ADORA2A: variants seen among roughly 807,000 people sequenced by gnomAD.
ADORA2A encodes adenosine A2a receptor, also known as adenosine receptor A2a.
ADORA2A carries 11 observed loss-of-function variants against 18.4 expected under a neutral mutation model. The observed-to-expected ratio is 0.60, with a 90% CI of 0.38 to 0.99. The LOEUF (loss-of-function observed/expected upper bound fraction) is 0.99. Ranked by LOEUF, ADORA2A falls within the 50% of genes least tolerant of loss-of-function variation. ADORA2A has a pLI of 0.01. For missense variants in ADORA2A, 449 were observed against 556.1 expected, an observed-to-expected ratio of 0.81 and a Z score of 1.94; for synonymous variants, 218 against 237.3, an observed-to-expected ratio of 0.92 and a Z score of 0.75.
chr22:24,425,501 CCCT>C (rs2042909220), upstream of ADORA2A, among the ~76,000 whole-genome samples: 1 of 152,224 alleles, frequency 6.6e-6, no homozygotes, highest in Non-Finnish European at 1.5e-5. Context: ...CAGCCACTAC[CCCT>C]CCATCCGTGT....
In ADORA2A at chr22:24,440,978, C is replaced by T. The variant is rs371233023; in HGVS notation, c.728C>T (p.Ala243Val). ...CTGGCCATCATTGTGGGGCTCTTTG[C>T]CCTCTGCTGGCTGCCCCTACACATC... is the stretch of plus-strand genomic sequence containing the variant. The part of the protein sequence containing the change: ...KSLAIIVGLF[A>V]LCWLPLHIIN... Residue 243 changes from alanine (A) to valine (V), a missense_variant, in exon 3 of 3, where the codon GCC becomes GTC. By Grantham distance (64) the Ala-to-Val change is moderately conservative. Transcript: ENST00000337539. 3.7e-6 allele frequency: 6 copies of T among 1,614,040 alleles called. No individual in the cohort carries two copies. The African/African-American group carries it at 6.7e-5, about 18-fold the overall frequency.
intron 1 of ADORA2A, among the ~76,000 whole-genome samples, chr22:24,428,023 G>C (rs1601395464): frequency 6.6e-6 from 1 of 152,294 alleles, no homozygotes; most frequent in African/African-American, 2.4e-5. Context: ...TCTGGGTCCC[G>C]GGCCCAGCCT....
At chr22:24,434,293 G>GTT (rs1204940704) in intron 2 of ADORA2A, among the ~76,000 whole-genome samples, 1 of 152,206 alleles carries the variant, frequency 6.6e-6, no homozygotes, top group East Asian at 1.9e-4. Flanking sequence ...GAATGCCACA[G>GTT]TGAGTCACTT....
intron 2 of ADORA2A, among the ~76,000 whole-genome samples, chr22:24,437,147 G>A (rs2043200175): frequency 6.6e-6 from 1 of 152,196 alleles, no homozygotes; most frequent in Non-Finnish European, 1.5e-5. Context: ...TGGACCATAG[G>A]GTGAGCCCCC....
At chr22:24,437,225 C>T (rs1601416187) in intron 2 of ADORA2A, among the ~76,000 whole-genome samples, 1 of 152,220 alleles carries the variant, frequency 6.6e-6, no homozygotes, top group South Asian at 2.1e-4. Flanking sequence ...CTGCAGAGGG[C>T]ACCTCCACAA....
intron 2 of ADORA2A, among the ~76,000 whole-genome samples, chr22:24,436,611 G>T (rs1250302312): frequency 6.6e-5 from 10 of 152,092 alleles, no homozygotes; most frequent in Non-Finnish European, 1.3e-4. Context: ...GGGGATTTTT[G>T]CCTCACTGTC....
At chr22:24,438,919 C>T (rs151282640) in intron 2 of ADORA2A, among the ~76,000 whole-genome samples, 11 of 152,108 alleles carry the variant, frequency 7.2e-5, no homozygotes, top group African/African-American at 1.9e-4. Flanking sequence ...AGCAGGCGTA[C>T]GTTTTGCATG....
chr22:24,437,660 G>A (rs2043213431), intron 2 of ADORA2A, among the ~76,000 whole-genome samples: 1 of 152,214 alleles, frequency 6.6e-6, no homozygotes, highest in African/African-American at 2.4e-5. Context: ...CTGCCTGCAA[G>A]GCCATGTTAA....
chr22:24,437,064 G>A (rs1165144730), intron 2 of ADORA2A, among the ~76,000 whole-genome samples: 2 of 152,196 alleles, frequency 1.3e-5, no homozygotes, highest in Non-Finnish European at 2.9e-5. Context: ...GGACAACTTA[G>A]GAAGGCTCCA....
Position 24,440,878 on chromosome 22 carries a change from C to A in ADORA2A, c.628C>A (p.Gln210Lys). The A allele has an allele frequency of 6.2e-7, 1 of 1,614,214 alleles. No homozygotes were observed. The highest frequency in any genetic ancestry group is 1.1e-5 in the South Asian group (1 of 91,086). ...CCTGGCGGCGCGACGACAGCTGAAGCAGATGGAGAGCCAGCCTCTGCCGGG... is the reference window on the plus strand; with the variant it reads ...CCTGGCGGCGCGACGACAGCTGAAGAAGATGGAGAGCCAGCCTCTGCCGGG... Reference protein sequence around the residue: ...IFLAARRQLKQMESQPLPGER... With the variant: ...IFLAARRQLKKMESQPLPGER... Residue 210 changes from glutamine (Q) to lysine (K), a missense_variant, in exon 3 of 3, where the codon CAG becomes AAG. Gln to Lys is a moderately conservative substitution (Grantham distance 53). Transcript: ENST00000337539.
rs200231333 is a variant in ADORA2A at position 24,441,322 on chromosome 22, C to T, written c.1072C>T (p.Pro358Ser). Residue 358 changes from proline (P) to serine (S), a missense_variant, in exon 3 of 3, where the codon CCC (proline) becomes TCC (serine). Transcript: ENST00000337539. ...NGSAPHPERR[P>S]NGYALGLVSG... Reference sequence around the variant, plus strand: ...CAGTGCTCCCCACCCTGAGCGGAGGCCCAATGGCTATGCCCTGGGGCTGGT... The same window carrying T: ...CAGTGCTCCCCACCCTGAGCGGAGGTCCAATGGCTATGCCCTGGGGCTGGT... 52 of 1,604,338 alleles carry T rather than the reference C, an allele frequency of 3.2e-5. No homozygotes were observed. Among genetic ancestry groups the T allele is most frequent in the Non-Finnish European group, 4.0e-5 (47 of 1,174,234 alleles).
At chr22:24,435,771 CCT>C (rs1247074559) in intron 2 of ADORA2A, among the ~76,000 whole-genome samples, 4 of 152,138 alleles carry the variant, frequency 2.6e-5, no homozygotes, top group Admixed American at 1.3e-4. Context: ...GGACCTGCCC[CCT>C]ATCCTCTACC....
intron 1 of ADORA2A, among the ~76,000 whole-genome samples, chr22:24,431,964 C>T (rs1249310261): frequency 1.3e-5 from 2 of 152,198 alleles, no homozygotes; most frequent in South Asian, 2.1e-4. Context: ...GTCCAGCTGC[C>T]TCACCGTATC....
intron 2 of ADORA2A, among the ~76,000 whole-genome samples, chr22:24,436,341 CAGAA>C (rs1310675083): frequency 6.6e-6 from 1 of 152,224 alleles, no homozygotes; most frequent in Non-Finnish European, 1.5e-5. Flanking sequence ...CTGCTCCACT[CAGAA>C]AGGTCCATTC....
chr22:24,425,784 G>A (rs1424379478), upstream of ADORA2A, among the ~76,000 whole-genome samples: 1 of 152,240 alleles, frequency 6.6e-6, no homozygotes, highest in African/African-American at 2.4e-5. Context: ...CAGTGCTCTC[G>A]TCTGGGTTCT....
At chr22:24,426,747 A>T (rs2042922900), upstream of ADORA2A, among the ~76,000 whole-genome samples, 1 of 152,134 alleles carries the variant, frequency 6.6e-6, no homozygotes, top group Non-Finnish European at 1.5e-5. Context: ...GCAGCAGAGC[A>T]GCTGCCCCTC....
At chr22:24,426,942 G>A (rs2042924994), upstream of ADORA2A, among the ~76,000 whole-genome samples, 2 of 152,230 alleles carry the variant, frequency 1.3e-5, no homozygotes, top group South Asian at 4.1e-4. Flanking sequence ...CGCAGGGGAA[G>A]CTTGTTCCAG....
rs3032740 is a variant in ADORA2A at position 24,439,072 on chromosome 22, C to CTTTTTTTTTTTTTTTTTTTTT, written c.333-1502_333-1482dup. ...GTAGAGCACATCCTTCCCCTTGCAC[C>CTTTTTTTTTTTTTTTTTTTTT]TTTTTTTTTTTTTTTTTTTTTTTTT... On this transcript the variant is annotated intron_variant, in intron 2 of 2. Transcript: ENST00000337539. 1.5e-4 allele frequency among the ~76,000 whole-genome samples: 11 copies of CTTTTTTTTTTTTTTTTTTTTT among 73,102 alleles called. 3 individuals carry two copies. Among genetic ancestry groups the CTTTTTTTTTTTTTTTTTTTTT allele is most frequent in the East Asian group, 1.2e-3 (2 of 1,690 alleles). The allele number at this position is 73,102 out of a possible 152,430, so 48.0% of individuals were successfully genotyped here.
At position 24,440,889 on chromosome 22, in the gene ADORA2A, C is replaced by A; in HGVS notation, c.639C>A (p.Ser213Arg). 6.2e-7 allele frequency: 1 copy of A among 1,614,202 alleles called. No homozygotes were observed. The highest frequency in any genetic ancestry group is 8.5e-7 in the Non-Finnish European group (1 of 1,180,036). ...GACGACAGCTGAAGCAGATGGAGAG[C>A]CAGCCTCTGCCGGGGGAGCGGGCAC... ...AARRQLKQME[S>R]QPLPGERARS... Residue 213 changes from serine to arginine, a missense_variant, in exon 3 of 3, where the codon AGC becomes AGA. Coordinates refer to ENST00000337539, the MANE Select transcript of ADORA2A (RefSeq NM_000675.6).
Sources: allele counts gnomAD v4.1 joint callset (sites outside exome capture counted in the v4.1 genomes callset), GRCh38; gene constraint gnomAD v4.1.1; transcripts MANE v1.5; gene names NCBI Gene and HGNC (gene_info 2026-07-23, HGNC 2026-07-21).